Variants in NOTCH2 observed in about 807,000 individuals in gnomAD.
NOTCH2 encodes notch receptor 2, also known as neurogenic locus notch homolog protein 2.
In NOTCH2, 29 loss-of-function variants were observed where a neutral mutation model predicts 235.8. The observed-to-expected ratio is 0.12, with a 90% confidence interval of 0.09 to 0.17. The LOEUF (loss-of-function observed/expected upper bound fraction) is 0.17. Ranked by LOEUF, NOTCH2 falls within the 10% of genes least tolerant of loss-of-function variation. The pLI is 1.00. For missense variants in NOTCH2, 2,285 were observed against 3,150.2 expected, an observed-to-expected ratio of 0.73 and a Z score of 6.57; for synonymous variants, 1,086 against 1,141.5, an observed-to-expected ratio of 0.95 and a Z score of 0.98.
chr1:120,003,373 AAT>A (rs1400878322), intron 3 of NOTCH2, among the ~76,000 whole-genome samples: 20 of 150,312 alleles, frequency 1.3e-4, no homozygotes, highest in Non-Finnish European at 2.7e-4. Context: ...AAAGATTGCC[AAT>A]ATATATATAT....
intron 4 of NOTCH2, among the ~76,000 whole-genome samples, chr1:119,989,154 G>A (rs1437557569): frequency 6.6e-6 from 1 of 152,192 alleles, no homozygotes; most frequent in African/African-American, 2.4e-5. Context: ...CAATAGCTGA[G>A]TGAATATGGG....
chr1:119,968,779 A>C (rs1651249007), intron 6 of NOTCH2, among the ~76,000 whole-genome samples: 1 of 152,212 alleles, frequency 6.6e-6, no homozygotes, highest in Non-Finnish European at 1.5e-5. Flanking sequence ...TGAAGATATT[A>C]CTAGGCTTCC....
chr1:119,955,601 T>C (rs1650664613), intron 12 of NOTCH2, among the ~76,000 whole-genome samples: 2 of 152,238 alleles, frequency 1.3e-5, no homozygotes, highest in South Asian at 4.1e-4. Flanking sequence ...GAAGCATTCA[T>C]TAACATGCTT....
intron 19 of NOTCH2, among the ~76,000 whole-genome samples, chr1:119,939,172 A>T (rs1553196139): frequency 6.6e-6 from 1 of 152,182 alleles, no homozygotes; most frequent in Non-Finnish European, 1.5e-5. Context: ...CCACACAGAT[A>T]GCAGCTCTGG....
chr1:119,981,745 C>G (rs781790334), intron 5 of NOTCH2, among the ~76,000 whole-genome samples: 16 of 152,086 alleles, frequency 1.1e-4, no homozygotes, highest in African/African-American at 3.6e-4. Flanking sequence ...GATAGGAAAC[C>G]GAATTTGGGG....
intron 19 of NOTCH2, among the ~76,000 whole-genome samples, chr1:119,938,743 C>T (rs988610034): frequency 1.1e-4 from 16 of 151,896 alleles, no homozygotes; most frequent in African/African-American, 3.9e-4. Flanking sequence ...TGCAGTGGCG[C>T]TATCTCCGCT....
At chr1:120,005,037 C>T (rs1652910988) in intron 3 of NOTCH2, among the ~76,000 whole-genome samples, 1 of 152,224 alleles carries the variant, frequency 6.6e-6, no homozygotes, top group Non-Finnish European at 1.5e-5. Flanking sequence ...ATCCTCCTGC[C>T]TTGGCCTGCC....
Position 119,969,602 on chromosome 1 carries a change from A to T in NOTCH2, c.1017T>A (p.Ile339=), listed in dbSNP as rs1553200135. ...GWSGDDCSEN[I]DDCAFASCTP... ...TACAGGAGGCGAAGGCACAATCATC[A>T]ATGTTCTCACTGCAGTCATCTCCAC... Residue 339 remains isoleucine, a synonymous_variant, in exon 6 of 34, where the codon ATT becomes ATA. Coordinates refer to ENST00000256646, the MANE Select transcript of NOTCH2 (RefSeq NM_024408.4). 1 of 1,613,990 alleles carries T rather than the reference A, an allele frequency of 6.2e-7. No individual in the cohort carries two copies. Among genetic ancestry groups the T allele is most frequent in the East Asian group, 2.2e-5 (1 of 44,860 alleles).
At chr1:119,934,944 A>T (rs1294498241) in intron 22 of NOTCH2, among the ~76,000 whole-genome samples, 1 of 152,222 alleles carries the variant, frequency 6.6e-6, no homozygotes, top group Non-Finnish European at 1.5e-5. Flanking sequence ...CCCATCACTC[A>T]ACAGTCCAGG....
chr1:119,980,623 A>G (rs587619166), intron 5 of NOTCH2, among the ~76,000 whole-genome samples: 1 of 152,308 alleles, frequency 6.6e-6, no homozygotes, highest in African/African-American at 2.4e-5. Flanking sequence ...AAATATTCTA[A>G]TGAATATTTT....
chr1:119,987,491 TA>T (rs1652065349), intron 4 of NOTCH2, among the ~76,000 whole-genome samples: 1 of 152,180 alleles, frequency 6.6e-6, no homozygotes, highest in Non-Finnish European at 1.5e-5. Flanking sequence ...AAGTTCCTTT[TA>T]TTTTTTTTCT....
chr1:119,934,619 T>G (rs1649782143), intron 22 of NOTCH2, among the ~76,000 whole-genome samples: 1 of 152,236 alleles, frequency 6.6e-6, no homozygotes. Flanking sequence ...TTTAATTTAG[T>G]CAAACTCTGA....
At chr1:120,063,747 T>C (rs1349312061) in intron 1 of NOTCH2, among the ~76,000 whole-genome samples, 1 of 152,112 alleles carries the variant, frequency 6.6e-6, no homozygotes, top group Admixed American at 6.6e-5. Context: ...TCTAAAACTT[T>C]CCTAATGTAA....
chr1:120,001,162 T>TA (rs1553205299), intron 3 of NOTCH2, among the ~76,000 whole-genome samples: 2 of 152,270 alleles, frequency 1.3e-5, no homozygotes, highest in East Asian at 3.9e-4. Flanking sequence ...TATGGAACTG[T>TA]AAGTCCAATT....
chr1:120,006,425 C>G (rs797039410), intron 2 of NOTCH2, among the ~76,000 whole-genome samples: 2 of 148,864 alleles, frequency 1.3e-5, no homozygotes, highest in South Asian at 4.4e-4. Flanking sequence ...TTTTTACATG[C>G]CACCCCTTGA....
At chr1:119,949,762 C>T (rs1332336648) in intron 15 of NOTCH2, among the ~76,000 whole-genome samples, 1 of 152,128 alleles carries the variant, frequency 6.6e-6, no homozygotes, top group African/African-American at 2.4e-5. Flanking sequence ...TATGGCTATT[C>T]TGCTACTCTA....
intron 14 of NOTCH2, among the ~76,000 whole-genome samples, chr1:119,951,081 C>T (rs143243354): frequency 1.3e-5 from 2 of 152,166 alleles, no homozygotes; most frequent in Non-Finnish European, 2.9e-5. Flanking sequence ...AAGCCTAATG[C>T]CCCTCCAACT....
At chr1:120,058,982 TGTGGGC>T (rs1266236176) in intron 1 of NOTCH2, among the ~76,000 whole-genome samples, 1 of 64,288 alleles carries the variant, frequency 1.6e-5, no homozygotes, top group Non-Finnish European at 2.8e-5. Flanking sequence ...CAGTGCACAG[TGTGGGC>T]ATAATAATTC....
chr1:119,997,888 C>A (rs1191871203), intron 3 of NOTCH2, among the ~76,000 whole-genome samples: 1 of 142,946 alleles, frequency 7.0e-6, no homozygotes, highest in African/African-American at 2.8e-5. Flanking sequence ...GCAGAAGAAT[C>A]ACTTGAACCC....
Sources: gnomAD v4.1 joint callset for allele counts (sites outside exome capture counted in the v4.1 genomes callset) on GRCh38, gnomAD v4.1.1 for gene constraint, MANE v1.5 for transcripts, NCBI Gene and HGNC (gene_info 2026-07-23, HGNC 2026-07-21) for gene names.